B3GALT1: variants seen among roughly 807,000 people sequenced by gnomAD.
B3GALT1 encodes beta-1,3-galactosyltransferase 1.
A neutral mutation model predicts 23.2 loss-of-function variants in B3GALT1; 10 were observed. That is an observed-to-expected ratio of 0.43 (90% CI 0.27 to 0.73). The LOEUF is 0.73. Ranked by LOEUF, B3GALT1 falls within the 30% of genes least tolerant of loss-of-function variation. The pLI is 0.21. For synonymous variants in B3GALT1, 156 were observed against 141.5 expected (o/e 1.10, Z -0.73); for missense variants, 299 against 405.4 (o/e 0.74, Z 2.25).
chr2:167,831,003 T>TGTAA (rs1689340883), intron 4 of B3GALT1, among the ~76,000 whole-genome samples: 1 of 152,198 alleles, frequency 6.6e-6, no homozygotes, highest in African/African-American at 2.4e-5. Context: ...ATAATCATAG[T>TGTAA]GTAAGTAGAA....
chr2:167,411,524 C>G (rs1021794692), intron 1 of B3GALT1, among the ~76,000 whole-genome samples: 2 of 152,068 alleles, frequency 1.3e-5, no homozygotes, highest in Non-Finnish European at 2.9e-5. Flanking sequence ...GAAATATCAT[C>G]TCACCCCAGT....
At chr2:167,327,014 G>A (rs1696907059) in intron 1 of B3GALT1, among the ~76,000 whole-genome samples, 1 of 152,072 alleles carries the variant, frequency 6.6e-6, no homozygotes, top group South Asian at 2.1e-4. Context: ...TGAAGAGGGT[G>A]TCCTTTCCCC....
At chr2:167,571,157 A>G (rs73972292) in intron 2 of B3GALT1, among the ~76,000 whole-genome samples, 10,638 of 151,960 alleles carry the variant, frequency 0.07, 975 homozygotes, top group African/African-American at 0.21. Flanking sequence ...GGGACATTCA[A>G]CAACACCACA....
rs145960073 is a variant in B3GALT1 at position 167,390,664 on chromosome 2, C to T, written c.-511+97330C>T. Among the ~76,000 whole-genome samples the T allele has an allele frequency of 1.0e-3, 153 of 152,296 alleles. 2 individuals are homozygous for T. The South Asian group carries it at 0.014, about 14-fold the overall frequency. ...AATCTCCCGTTTAAGATCCTTCTTC[C>T]GCATCATTCTCGATGCTTGTACTTA... On this transcript the variant is annotated intron_variant, in intron 1 of 4. Coordinates refer to ENST00000392690, the MANE Select transcript of B3GALT1 (RefSeq NM_020981.4).
At chr2:167,390,022 G>A (rs1219699045) in intron 1 of B3GALT1, among the ~76,000 whole-genome samples, 3 of 151,812 alleles carry the variant, frequency 2.0e-5, no homozygotes, top group African/African-American at 4.8e-5. Flanking sequence ...TATTAAGGAC[G>A]CATCAAGGCA....
Position 167,869,818 on chromosome 2 carries a change from T to C in B3GALT1, c.779T>C (p.Leu260Pro), listed in dbSNP as rs746974862. The C allele has an allele frequency of 1.9e-6, 3 of 1,614,132 alleles. No individual in the cohort carries two copies. The highest frequency in any genetic ancestry group is 2.5e-6 in the Non-Finnish European group (3 of 1,180,000). The part of the protein sequence containing the change: ...LIYKTSLHTR[L>P]LHLEDVYVGL... The stretch of plus-strand genomic sequence containing the variant: ...TACAAGACCTCACTCCACACAAGGC[T>C]GCTTCACCTTGAAGACGTATATGTG... Residue 260 changes from leucine (L) to proline (P), a missense_variant, in exon 5 of 5, where the codon CTG (leucine) becomes CCG (proline). By Grantham distance (98) the Leu-to-Pro change is moderately conservative. Transcript: ENST00000392690. This position sits in a 1 kb window ranked among gnomAD's most constrained non-coding sequence, Gnocchi z 6.4.
At chr2:167,357,963 G>A (rs2105260575) in intron 1 of B3GALT1, among the ~76,000 whole-genome samples, 1 of 152,218 alleles carries the variant, frequency 6.6e-6, no homozygotes, top group Admixed American at 6.5e-5. Context: ...GAGAATTTCT[G>A]TTTCATTTTA....
intron 2 of B3GALT1, among the ~76,000 whole-genome samples, chr2:167,491,533 G>A (rs1650918044): frequency 7.2e-6 from 1 of 139,046 alleles, no homozygotes; most frequent in African/African-American, 2.7e-5. Flanking sequence ...TAGTTTTATG[G>A]GCTGGGTGCA....
chr2:167,636,765 C>T (rs541419948), intron 2 of B3GALT1, among the ~76,000 whole-genome samples: 1 of 152,158 alleles, frequency 6.6e-6, no homozygotes, highest in South Asian at 2.1e-4. Flanking sequence ...TGTTCTCACT[C>T]ATAAGTGGGA....
At chr2:167,536,454 A>G (rs1362731094) in intron 2 of B3GALT1, among the ~76,000 whole-genome samples, 1 of 152,168 alleles carries the variant, frequency 6.6e-6, no homozygotes, top group Non-Finnish European at 1.5e-5. Context: ...AGACTAGGAA[A>G]CATTTTATTT....
chr2:167,798,489 T>A (rs7609396), intron 3 of B3GALT1, among the ~76,000 whole-genome samples: 36,674 of 152,038 alleles, frequency 0.24, 5,132 homozygotes, highest in African/African-American at 0.37. Context: ...GTCCAATTTT[T>A]ATTTTCTGCA....
At chr2:167,573,893 G>A (rs755705864) in intron 2 of B3GALT1, among the ~76,000 whole-genome samples, 5 of 151,622 alleles carry the variant, frequency 3.3e-5, no homozygotes, top group Non-Finnish European at 5.9e-5. Context: ...CCTACACACA[G>A]TCCGAATTCT....
chr2:167,528,752 T>C lies in B3GALT1; in HGVS notation c.-410+38475T>C, dbSNP rs185845839. Among the ~76,000 whole-genome samples, 73 of 152,296 alleles carry C rather than the reference T, an allele frequency of 4.8e-4. 1 individual carries two copies. The highest frequency in any genetic ancestry group is 3.5e-3 in the East Asian group (18 of 5,174). Reference sequence around the variant, plus strand: ...GGGAGGATACAGAAAGGAAATCTTATTCCATTTTACATCAAATAAGGCATT... The same window carrying C: ...GGGAGGATACAGAAAGGAAATCTTACTCCATTTTACATCAAATAAGGCATT... On this transcript the variant is annotated intron_variant, in intron 2 of 4. Coordinates refer to ENST00000392690, the MANE Select transcript of B3GALT1 (RefSeq NM_020981.4).
chr2:167,468,871 A>C (rs944819791), intron 1 of B3GALT1, among the ~76,000 whole-genome samples: 1 of 152,228 alleles, frequency 6.6e-6, no homozygotes, highest in African/African-American at 2.4e-5. Flanking sequence ...ACTCCATCTC[A>C]AATAATAATA....
At chr2:167,436,483 C>A (rs539917503) in intron 1 of B3GALT1, among the ~76,000 whole-genome samples, 1 of 152,100 alleles carries the variant, frequency 6.6e-6, no homozygotes, top group Non-Finnish European at 1.5e-5. Flanking sequence ...ATCCCCTTAC[C>A]CTGATTGAAT....
At chr2:167,734,595 G>A (rs1297078184) in intron 3 of B3GALT1, among the ~76,000 whole-genome samples, 1 of 152,074 alleles carries the variant, frequency 6.6e-6, no homozygotes, top group Non-Finnish European at 1.5e-5. Context: ...AGATGTGCAG[G>A]TAGTCCCAAC....
chr2:167,843,140 C>T (rs372948193), intron 4 of B3GALT1, among the ~76,000 whole-genome samples: 39 of 152,214 alleles, frequency 2.6e-4, no homozygotes, highest in African/African-American at 9.1e-4. Flanking sequence ...AAATTACTGA[C>T]AAAATTAAAA....
chr2:167,845,714 C>A (rs1689742690), intron 4 of B3GALT1, among the ~76,000 whole-genome samples: 1 of 151,810 alleles, frequency 6.6e-6, no homozygotes, highest in East Asian at 1.9e-4. Flanking sequence ...CCCCACCCCC[C>A]CGCAACAACA....
chr2:167,468,193 T>C (rs1291046873), intron 1 of B3GALT1, among the ~76,000 whole-genome samples: 1 of 152,324 alleles, frequency 6.6e-6, no homozygotes, highest in Non-Finnish European at 1.5e-5. Context: ...AAGGATCTTA[T>C]GACTCAGGTC....
Sources: gnomAD v4.1 joint callset for allele counts (sites outside exome capture counted in the v4.1 genomes callset) on GRCh38, gnomAD v4.1.1 for gene constraint, Gnocchi (gnomAD v3.1) non-coding constraint, MANE v1.5 for transcripts, NCBI Gene and HGNC (gene_info 2026-07-23, HGNC 2026-07-21) for gene names.